Variants in MAL observed in about 807,000 individuals in gnomAD.
MAL encodes the protein mal, T cell differentiation protein (MAL blood group).
MAL carries 5 observed loss-of-function variants against 16.7 expected under a neutral mutation model. The observed-to-expected ratio is 0.30, with a 90% CI of 0.16 to 0.63. The LOEUF is 0.63. Ranked by LOEUF, MAL falls within the 30% of genes least tolerant of loss-of-function variation. The probability of loss-of-function intolerance (pLI) is 0.82; values close to 1 mark genes in which losing one functional copy is unlikely to be tolerated. For synonymous variants in MAL, 96 were observed against 85.5 expected (o/e 1.12, Z -0.67); for missense variants, 202 against 195.8 (o/e 1.03, Z -0.19).
chr2:95,042,038 C>G (rs1404691948), intron 1 of MAL, among the ~76,000 whole-genome samples: 1 of 152,166 alleles, frequency 6.6e-6, no homozygotes, highest in Non-Finnish European at 1.5e-5. Flanking sequence ...CATCCTGAGA[C>G]AGTGAGGCTG....
chr2:95,051,689 T>TA (rs1210946810), intron 3 of MAL: 1 of 152,198 alleles, frequency 6.6e-6, no homozygotes, highest in Non-Finnish European at 1.5e-5. Flanking sequence ...CATTTTTTTT[T>TA]AGTTGAGTTG....
chr2:95,047,885 A>C, intron 1 of MAL, 74 bp from the exon 2 acceptor site: 1 of 1,471,318 alleles, frequency 6.8e-7, no homozygotes, highest in Non-Finnish European at 9.2e-7. Flanking sequence ...ACCCCATGTG[A>C]CCGCTGGTCG....
rs188313529 is a variant in MAL, at chr2:95,033,192, C to G, written c.93+7307C>G. Among the ~76,000 whole-genome samples, 8 of 152,240 alleles carry G rather than the reference C, an allele frequency of 5.3e-5. No homozygotes were observed. In the East Asian group the frequency reaches 1.4e-3, roughly 26 times the overall value. On this transcript the variant is annotated intron_variant, in intron 1 of 3. Transcript: ENST00000309988. ...GAGGTGGGCACTCCAGGAATAGGGC[C>G]ACGGGGAAGGACAGAAGATGACGTT...
At chr2:95,041,628 C>T (rs1674468401) in intron 1 of MAL, among the ~76,000 whole-genome samples, 1 of 152,088 alleles carries the variant, frequency 6.6e-6, no homozygotes, top group African/African-American at 2.4e-5. Flanking sequence ...AATAACTTGC[C>T]CAGGGACAGC....
At chr2:95,047,880 A>G (rs1573300746) in intron 1 of MAL, 79 bp from the exon 2 acceptor site, 1 of 1,430,126 alleles carries the variant, frequency 7.0e-7, no homozygotes, top group East Asian at 2.3e-5. Flanking sequence ...CAGTCACCCC[A>G]TGTGACCGCT....
In MAL at chr2:95,045,097, G is replaced by C. The variant is rs565997143; in HGVS notation, c.94-2862G>C. Among the ~76,000 whole-genome samples, 6 of 152,222 alleles carry C rather than the reference G, an allele frequency of 3.9e-5. No individual in the cohort carries two copies. In the South Asian group the frequency reaches 1.2e-3, roughly 32 times the overall value. On this transcript the variant is annotated intron_variant, in intron 1 of 3. Transcript: ENST00000309988. ...AGCATAGAAACAATGTCACTATCCGGTTTACCTTTGCCTATCCACGCTATT... is the reference window on the plus strand; with the variant it reads ...AGCATAGAAACAATGTCACTATCCGCTTTACCTTTGCCTATCCACGCTATT...
intron 1 of MAL, among the ~76,000 whole-genome samples, chr2:95,032,547 G>A (rs1403579110): frequency 3.9e-5 from 6 of 152,222 alleles, no homozygotes; most frequent in Non-Finnish European, 8.8e-5. Context: ...TACCCTCCTG[G>A]TGTTGATGGG....
chr2:95,037,562 G>GCA (rs1674266377), intron 1 of MAL, among the ~76,000 whole-genome samples: 2 of 151,412 alleles, frequency 1.3e-5, no homozygotes, highest in African/African-American at 2.4e-5. Context: ...GTGAGTGACT[G>GCA]AGTGAGTGAG....
intron 1 of MAL, among the ~76,000 whole-genome samples, chr2:95,034,584 C>T (rs1674162067): frequency 6.6e-6 from 1 of 152,200 alleles, no homozygotes; most frequent in Admixed American, 6.5e-5. Context: ...GAGGGGGCAG[C>T]CTCTGGCAAA....
At chr2:95,048,412 C>T (rs552885006) in intron 2 of MAL, among the ~76,000 whole-genome samples, 33 of 152,278 alleles carry the variant, frequency 2.2e-4, no homozygotes, top group African/African-American at 6.7e-4. Context: ...CACCTGTACC[C>T]GCCAGGTGCC....
At chr2:95,039,538 GAGTGAGTGACTTGGTA>G (rs1324915764) in intron 1 of MAL, among the ~76,000 whole-genome samples, 2 of 151,616 alleles carry the variant, frequency 1.3e-5, no homozygotes, top group Admixed American at 6.6e-5. Context: ...CTGAGTGGGT[GAGTGAGTGACTTGGTA>G]AGTGAGTGAC....
chr2:95,039,354 GACTGAC>G (rs1674377852), intron 1 of MAL, among the ~76,000 whole-genome samples: 1 of 150,578 alleles, frequency 6.6e-6, no homozygotes, highest in Non-Finnish European at 1.5e-5. Flanking sequence ...GTGAGTGACT[GACTGAC>G]TGACTGAGTA....
At chr2:95,051,694 G>A (rs1674725007) in intron 3 of MAL, 1 of 151,808 alleles carries the variant, frequency 6.6e-6, no homozygotes, top group Non-Finnish European at 1.5e-5. Flanking sequence ...TTTTTTAGTT[G>A]AGTTGGATAG....
At chr2:95,026,376 AT>A (rs1673937830) in intron 1 of MAL, 1 of 152,170 alleles carries the variant, frequency 6.6e-6, no homozygotes, top group Admixed American at 6.5e-5. Flanking sequence ...AATCCGGTTT[AT>A]TTTCTTCTGG....
intron 1 of MAL, among the ~76,000 whole-genome samples, chr2:95,041,261 T>C (rs1674457413): frequency 6.6e-6 from 1 of 152,214 alleles, no homozygotes; most frequent in African/African-American, 2.4e-5. Flanking sequence ...ACCAGGCCCG[T>C]TGTTGGAAGG....
At chr2:95,038,905 TGA>T (rs1674346980) in intron 1 of MAL, among the ~76,000 whole-genome samples, 1 of 150,762 alleles carries the variant, frequency 6.6e-6, no homozygotes, top group African/African-American at 2.5e-5. Flanking sequence ...GGTGAGTGAG[TGA>T]CTAAGTGAGT....
At chr2:95,027,939 A>C (rs1673983225) in intron 1 of MAL, among the ~76,000 whole-genome samples, 1 of 152,166 alleles carries the variant, frequency 6.6e-6, no homozygotes, top group Non-Finnish European at 1.5e-5. Flanking sequence ...GGTTTCTACA[A>C]AGAAGATACA....
At chr2:95,044,411 G>C (rs1303422544) in intron 1 of MAL, 1 of 152,176 alleles carries the variant, frequency 6.6e-6, no homozygotes, top group Non-Finnish European at 1.5e-5. Context: ...GTGAATTATA[G>C]CTCATAAAGC....
intron 3 of MAL, chr2:95,053,095 GC>G (rs1674753744): frequency 2.8e-6 from 1 of 356,386 alleles, no homozygotes; most frequent in African/African-American, 2.1e-5. Flanking sequence ...TCTCAAGTCA[GC>G]CGAAACCTCA....
Sources: allele counts gnomAD v4.1 joint callset (sites outside exome capture counted in the v4.1 genomes callset), GRCh38; gene constraint gnomAD v4.1.1; transcripts MANE v1.5; gene names NCBI Gene and HGNC (gene_info 2026-07-23, HGNC 2026-07-21).